Variants in STK33 observed in about 807,000 individuals in gnomAD.
STK33 encodes the protein serine/threonine-protein kinase 33.
Under a neutral mutation model 58.0 loss-of-function variants are expected in STK33, and 52 were observed. That is an observed-to-expected ratio of 0.90 (90% CI 0.72 to 1.13). The LOEUF (loss-of-function observed/expected upper bound fraction) is 1.13, where lower values mean the gene tolerates loss of function less well. Among genes scored for constraint, STK33 ranks in the 50% most tolerant of loss-of-function variants. The pLI, the probability that STK33 is intolerant of heterozygous loss-of-function variation, is 0.00. For missense variants in STK33, 630 were observed against 604.2 expected, an observed-to-expected ratio of 1.04 and a Z score of -0.45; for synonymous variants, 215 against 200.1, an observed-to-expected ratio of 1.07 and a Z score of -0.63.
At chr11:8,442,329 G>A (rs1944859209) in intron 11 of STK33, among the ~76,000 whole-genome samples, 1 of 152,142 alleles carries the variant, frequency 6.6e-6, no homozygotes, top group Non-Finnish European at 1.5e-5. Flanking sequence ...ATGGCCACAT[G>A]TCTATGACAA....
chr11:8,436,129 C>T lies in STK33; in HGVS notation c.958G>A (p.Glu320Lys). Residue 320 changes from glutamate to lysine, a missense_variant, in exon 13 of 16, where the codon GAA becomes AAA. Glu to Lys is a moderately conservative substitution (Grantham distance 56). Transcript: ENST00000687296. The stretch of plus-strand genomic sequence containing the variant: ...TCTGAGCTTGCCAAAAAGGGTGGTT[C>T]TCCACGTAATCTGCAACAAAGGCAA... Reference protein sequence around the residue: ...GVVMYMLLRGEPPFLASSEEK... With the variant: ...GVVMYMLLRGKPPFLASSEEK... The T allele has an allele frequency of 1.3e-6, 2 of 1,569,068 alleles. No homozygotes were observed. The highest frequency in any genetic ancestry group is 1.7e-6 in the Non-Finnish European group (2 of 1,159,086).
the STK33 span, among the ~76,000 whole-genome samples, chr11:8,361,570 C>T: frequency 2.6e-5 from 4 of 151,540 alleles, no homozygotes; most frequent in South Asian, 2.1e-4. This position sits in a 1 kb window ranked among gnomAD's most constrained non-coding sequence, Gnocchi z 4.8. Flanking sequence ...CTGGACCTTT[C>T]GTTGCACTGG....
the STK33 span, among the ~76,000 whole-genome samples, chr11:8,384,962 G>A: frequency 7.2e-5 from 11 of 152,130 alleles, no homozygotes; most frequent in Non-Finnish European, 1.6e-4. Context: ...ACTAGGCCCT[G>A]TAGGGCAGGA....
At chr11:8,583,576 A>G (rs1268633380) in intron 1 of STK33, among the ~76,000 whole-genome samples, 1 of 152,184 alleles carries the variant, frequency 6.6e-6, no homozygotes, top group Non-Finnish European at 1.5e-5. Flanking sequence ...TCATCAAGTT[A>G]TTCATTCTGA....
intron 1 of STK33, among the ~76,000 whole-genome samples, chr11:8,501,659 C>G (rs1205657735): frequency 6.6e-5 from 10 of 152,102 alleles, no homozygotes. Context: ...TAAAACACAT[C>G]TACCATATGA....
chr11:8,438,816 T>A (rs1156279062), intron 12 of STK33, among the ~76,000 whole-genome samples: 3 of 152,184 alleles, frequency 2.0e-5, no homozygotes, highest in Admixed American at 6.5e-5. Flanking sequence ...AAAGTTATAT[T>A]TGAATTAAAG....
At chr11:8,348,591 C>A in the STK33 span, among the ~76,000 whole-genome samples, 2 of 152,146 alleles carry the variant, frequency 1.3e-5, no homozygotes, top group Non-Finnish European at 2.9e-5. Context: ...GGGGATAGAG[C>A]CAAACCATCT....
intron 11 of STK33, among the ~76,000 whole-genome samples, chr11:8,446,967 T>C (rs1196602946): frequency 6.6e-6 from 1 of 152,044 alleles, no homozygotes; most frequent in South Asian, 2.1e-4. Context: ...AATTGACAAA[T>C]GGGATCTAAT....
chr11:8,514,179 A>G (rs762163561), intron 1 of STK33, among the ~76,000 whole-genome samples: 2 of 152,202 alleles, frequency 1.3e-5, no homozygotes, highest in Non-Finnish European at 2.9e-5. Context: ...ATAGTACTCC[A>G]TTGTATATAT....
intron 11 of STK33, among the ~76,000 whole-genome samples, chr11:8,445,088 A>G (rs1457969850): frequency 2.0e-5 from 3 of 152,172 alleles, no homozygotes. Flanking sequence ...TTCTCCTTGA[A>G]GAGGTCCTTC....
chr11:8,449,396 A>C (rs1048095576), intron 11 of STK33, among the ~76,000 whole-genome samples: 1 of 151,684 alleles, frequency 6.6e-6, no homozygotes, highest in African/African-American at 2.4e-5. Context: ...ATGTCCAACA[A>C]TGATCAACTG....
chr11:8,465,115 A>G (rs1948019619), intron 6 of STK33: 1 of 198,430 alleles, frequency 5.0e-6, no homozygotes, highest in South Asian at 1.2e-4. Flanking sequence ...ACTATAATAT[A>G]TTAATGAAAT....
intron 1 of STK33, among the ~76,000 whole-genome samples, chr11:8,581,276 A>G (rs904722501): frequency 3.3e-5 from 5 of 152,250 alleles, no homozygotes; most frequent in African/African-American, 1.2e-4. Context: ...ATATTTCTGT[A>G]TATATGTTTG....
In STK33 at chr11:8,392,450, C is replaced by T; in HGVS notation, c.*60G>A. 1 of 1,594,532 alleles carries T rather than the reference C, an allele frequency of 6.3e-7. No homozygotes were observed. On this transcript the variant is annotated 3_prime_UTR_variant, in exon 16 of 16. Transcript: ENST00000687296. ...GGCTGTCTTCTTCCCCTCCTACCCC[C>T]TCATCAAAGTGCTAACAAGAGCAGC... is the stretch of plus-strand genomic sequence containing the variant.
the STK33 span, among the ~76,000 whole-genome samples, chr11:8,360,814 G>A: frequency 6.6e-6 from 1 of 152,282 alleles, no homozygotes; most frequent in Non-Finnish European, 1.5e-5. Context: ...AATCCTTCTC[G>A]TGCTTTGACT....
chr11:8,591,843 G>T (rs948443858), intron 1 of STK33, among the ~76,000 whole-genome samples: 1 of 151,854 alleles, frequency 6.6e-6, no homozygotes, highest in Non-Finnish European at 1.5e-5. Context: ...TGTGGGGTGG[G>T]GGGGAGTGGG....
chr11:8,356,494 G>A, the STK33 span, among the ~76,000 whole-genome samples: 1 of 152,086 alleles, frequency 6.6e-6, no homozygotes, highest in Non-Finnish European at 1.5e-5. Context: ...TCGTGGGAGA[G>A]GTGGGTGGGA....
intron 14 of STK33, among the ~76,000 whole-genome samples, 181 bp downstream of exon 14, chr11:8,435,313 A>G (rs1372074930): frequency 6.6e-6 from 1 of 152,202 alleles, no homozygotes; most frequent in African/African-American, 2.4e-5. Context: ...AACTGTGACA[A>G]CAGTTCTAAC....
intron 1 of STK33, among the ~76,000 whole-genome samples, chr11:8,574,343 T>C (rs1958032555): frequency 1.3e-5 from 2 of 152,190 alleles, no homozygotes; most frequent in African/African-American, 2.4e-5. Context: ...AGAGTCTCCC[T>C]GTGTATTTAT....
Sources: gnomAD v4.1 joint callset for allele counts (sites outside exome capture counted in the v4.1 genomes callset) on GRCh38, gnomAD v4.1.1 for gene constraint, Gnocchi (gnomAD v3.1) non-coding constraint, MANE v1.5 for transcripts, NCBI Gene and HGNC (gene_info 2026-07-23, HGNC 2026-07-21) for gene names.